The following NOL8 variants were observed in gnomAD, a reference collection of about 807,000 sequenced individuals.
The protein encoded by NOL8 is nucleolar protein Nop132.
In NOL8, 93 loss-of-function variants were observed where a neutral mutation model predicts 116.1. The ratio of observed to expected loss-of-function variants is 0.80; its 90% CI spans 0.68 to 0.95. The LOEUF is 0.95. NOL8 is among the 40% of genes least tolerant of loss of function. NOL8 has a pLI of 0.00. For synonymous variants in NOL8, 419 were observed against 469.0 expected (o/e 0.89, Z 1.38); for missense variants, 1,291 against 1,382.8 (o/e 0.93, Z 1.05).
Position 92,314,356 on chromosome 9 carries a change from CT to C in NOL8, c.2268del (p.Asp757ThrfsTer67). ...AAGGCTGCCAAACGCTTCTCATTGT[CT>C]TCAGCATGCTTATCTTTAGCACTCA... ...SDVSAKDKHA[E>X]DNEKRLAALE... is the part of the protein sequence containing the mutation. On this transcript the variant is annotated frameshift_variant, in exon 7 of 17. Transcript: ENST00000442668. LOFTEE classifies it high-confidence loss of function. 6.2e-7 allele frequency: 1 copy of C among 1,613,110 alleles called. No individual in the cohort carries two copies. The highest frequency in any genetic ancestry group is 8.5e-7 in the Non-Finnish European group (1 of 1,179,144).
At chr9:92,317,138 T>C (rs767341402) in intron 6 of NOL8, among the ~76,000 whole-genome samples, 2 of 152,132 alleles carry the variant, frequency 1.3e-5, no homozygotes, top group Non-Finnish European at 2.9e-5. Flanking sequence ...TTTATTAATA[T>C]TTTTTGTAGA....
At chr9:92,322,944 G>A (rs1840043518) in intron 3 of NOL8, 1 of 153,380 alleles carries the variant, frequency 6.5e-6, no homozygotes, top group Non-Finnish European at 1.5e-5. Context: ...ATGTTACTGT[G>A]TCAGCGGCAG....
chr9:92,299,932 T>C lies in NOL8; in HGVS notation c.3260A>G (p.Glu1087Gly), dbSNP rs1837586128. Residue 1087 changes from glutamate (E) to glycine (G), a missense_variant, in exon 14 of 17, where the codon GAA becomes GGA. By Grantham distance (98) the Glu-to-Gly change is moderately conservative. Transcript: ENST00000442668. ...PRLQDSSSEE[E>G]DVTEETDHRN... ...GTGATCTGTTTCTTCAGTAACATCT[T>C]CCTCTTCTGAACTGCTGTCTTGTAA... 4 of 1,613,448 alleles carry C rather than the reference T, an allele frequency of 2.5e-6. No homozygotes were observed. Among genetic ancestry groups the C allele is most frequent in the Non-Finnish European group, 3.4e-6 (4 of 1,179,614 alleles).
Position 92,315,932 on chromosome 9 carries a change from C to A in NOL8, c.693G>T (p.Gly231=). 1.2e-6 allele frequency: 2 copies of A among 1,613,816 alleles called. No homozygotes were observed. Among genetic ancestry groups the A allele is most frequent in the Non-Finnish European group, 1.7e-6 (2 of 1,179,842 alleles). Residue 231 remains glycine (G), a synonymous_variant, in exon 7 of 17, where the codon GGG becomes GGT. Coordinates refer to ENST00000442668, the MANE Select transcript of NOL8 (RefSeq NM_017948.6). ...IKVQKDESST[G]SLAMSTRPRR... Reference sequence around the variant, plus strand: ...TGGGCCTTGTACTCATGGCCAGAGACCCAGTGGAACTCTCATCCTTCTGCA... The same window carrying A: ...TGGGCCTTGTACTCATGGCCAGAGAACCAGTGGAACTCTCATCCTTCTGCA...
intron 13 of NOL8, 101 bp from the exon 14 acceptor site, chr9:92,300,117 A>C: frequency 1.4e-6 from 2 of 1,455,438 alleles, no homozygotes; most frequent in Non-Finnish European, 1.8e-6. Flanking sequence ...GACATATCTA[A>C]AGTTCCAATA....
Position 92,307,004 on chromosome 9 carries a change from C to A in NOL8, c.2707G>T (p.Ala903Ser). 6.2e-7 allele frequency: 1 copy of A among 1,610,908 alleles called. No homozygotes were observed. Among genetic ancestry groups the A allele is most frequent in the South Asian group, 1.1e-5 (1 of 90,454 alleles). ...TCTTCAGCAAGCTCTTCTTCCTCAG[C>A]AGTTTTCTTTTCATTTACCTCTTTG... Reference protein sequence around the residue: ...EQEEVNEKKTAEEEELAEEKK... With the variant: ...EQEEVNEKKTSEEEELAEEKK... Residue 903 changes from alanine (A) to serine (S), a missense_variant, in exon 11 of 17, where the codon GCT (alanine) becomes TCT (serine). Coordinates refer to ENST00000442668, the MANE Select transcript of NOL8 (RefSeq NM_017948.6).
chr9:92,305,954 A>T, intron 11 of NOL8, 124 bp from the exon 12 acceptor site: 1 of 648,314 alleles, frequency 1.5e-6, no homozygotes, highest in Non-Finnish European at 2.7e-6. Context: ...AAGCCATATA[A>T]CATCAGATAA....
chr9:92,316,127 A>G lies in NOL8; in HGVS notation c.498T>C (p.Tyr166=), dbSNP rs1839385984. The G allele has an allele frequency of 3.7e-6, 6 of 1,612,496 alleles. No individual in the cohort carries two copies. The highest frequency in any genetic ancestry group is 5.1e-6 in the Non-Finnish European group (6 of 1,179,126). ...KNQHKRKIIK[Y]DPSKYCHNLK... ...GGTTGTGGCAGTATTTTGAGGGATC[A>G]TATTTGATGATGTTACGCAAGTCAA... is the stretch of plus-strand genomic sequence containing the variant. Residue 166 remains tyrosine, a synonymous_variant, in exon 7 of 17, where the codon TAT becomes TAC. Coordinates refer to ENST00000442668, the MANE Select transcript of NOL8 (RefSeq NM_017948.6).
intron 12 of NOL8, among the ~76,000 whole-genome samples, chr9:92,302,843 TTAG>T (rs1469448573): frequency 6.6e-6 from 1 of 152,094 alleles, no homozygotes; most frequent in African/African-American, 2.4e-5. Flanking sequence ...GAAAAAACTG[TTAG>T]TAGAAACCAT....
At chr9:92,310,946 T>C in intron 8 of NOL8, 200 bp downstream of exon 8, 1 of 578,006 alleles carries the variant, frequency 1.7e-6, no homozygotes, top group Non-Finnish European at 3.0e-6. Flanking sequence ...AATATTGATG[T>C]CATGCTGCAG....
rs551750374 is a variant in NOL8 at position 92,324,464 on chromosome 9, A to T, written c.-48-255T>A. 7 of 250,946 alleles carry T rather than the reference A, an allele frequency of 2.8e-5. No homozygotes were observed. In the South Asian group the frequency reaches 8.2e-4, roughly 29 times the overall value. 15.5% of individuals were successfully genotyped at this position (250,946 alleles called of 1,614,324 possible). Reference sequence around the variant, plus strand: ...AGTTTTTTTCCTCCAAATGGCCATAATATTACACTCTATCCCTCTTAATTT... The same window carrying T: ...AGTTTTTTTCCTCCAAATGGCCATATTATTACACTCTATCCCTCTTAATTT... On this transcript the variant is annotated intron_variant, in intron 1 of 16. Transcript: ENST00000442668.
At chr9:92,306,204 G>T (rs1838244219) in intron 11 of NOL8, among the ~76,000 whole-genome samples, 1 of 152,096 alleles carries the variant, frequency 6.6e-6, no homozygotes, top group Admixed American at 6.6e-5. Context: ...ATGTTGGCCA[G>T]GCTGCTCTCC....
intron 6 of NOL8, among the ~76,000 whole-genome samples, chr9:92,317,629 GC>G (rs1839529961): frequency 6.6e-6 from 1 of 152,092 alleles, no homozygotes; most frequent in Admixed American, 6.6e-5. Flanking sequence ...CTGACCTTTG[GC>G]TTTTGCTCCT....
rs1170982491 is a variant in NOL8 at position 92,316,157 on chromosome 9, C to G, written c.487-19G>C. 3 of 1,593,730 alleles carry G rather than the reference C, an allele frequency of 1.9e-6. No homozygotes were observed. The highest frequency in any genetic ancestry group is 2.6e-6 in the Non-Finnish European group (3 of 1,169,952). ...TGATGATGTTACGCAAGTCAAGAAA[C>G]AAAACTAAAGCACTTGGTTTTAGGA... On this transcript the variant is annotated intron_variant, in intron 6 of 16. Transcript: ENST00000442668.
At chr9:92,321,384 C>A (rs1011332787) in intron 4 of NOL8, among the ~76,000 whole-genome samples, 2 of 151,984 alleles carry the variant, frequency 1.3e-5, no homozygotes, top group African/African-American at 2.4e-5. Context: ...GGTGTGTTAA[C>A]AAAGAGAAAA....
In NOL8 at chr9:92,306,980, C is replaced by G; in HGVS notation, c.2731G>C (p.Glu911Gln). 1 of 1,612,602 alleles carries G rather than the reference C, an allele frequency of 6.2e-7. No individual in the cohort carries two copies. Among genetic ancestry groups the G allele is most frequent in the Non-Finnish European group, 8.5e-7 (1 of 1,179,536 alleles). Residue 911 changes from glutamate to glutamine, a missense_variant, in exon 11 of 17, where the codon GAA (glutamate) becomes CAA (glutamine). Physicochemically the swap from Glu to Gln is conservative, Grantham distance 29. Coordinates refer to ENST00000442668, the MANE Select transcript of NOL8 (RefSeq NM_017948.6). ...KTAEEEELAEEKKKALNVVQS... is the reference protein window; with the variant it reads ...KTAEEEELAEQKKKALNVVQS... The stretch of plus-strand genomic sequence containing the variant: ...ACAACATTCAGGGCTTTCTTTTTTT[C>G]TTCAGCAAGCTCTTCTTCCTCAGCA...
intron 8 of NOL8, 64 bp from the exon 9 acceptor site, chr9:92,310,739 T>A: frequency 6.6e-7 from 1 of 1,508,410 alleles, no homozygotes; most frequent in Non-Finnish European, 8.9e-7. Context: ...CTTCATAACG[T>A]AATCTTCTCC....
intron 13 of NOL8, among the ~76,000 whole-genome samples, chr9:92,301,082 C>G (rs1463270168): frequency 6.6e-6 from 1 of 152,206 alleles, no homozygotes; most frequent in Non-Finnish European, 1.5e-5. Context: ...ATACTTCTCT[C>G]TAGGTTCTGG....
In NOL8 at chr9:92,301,565, T is replaced by C. The variant is rs1018392690; in HGVS notation, c.3161A>G (p.Lys1054Arg). ...AAGAAAAGTACCTTCCTTTATGTCT[T>C]TAGTGTCTGAATCAAAAAAAGAGAA... ...FTFSFFDSDT[K>R]DIKEETYRVE... is the part of the protein sequence containing the mutation. The change falls in exon 13 of 17, where the codon AAA (lysine) becomes AGA (arginine). Residue 1054 changes from lysine (K) to arginine (R), a missense_variant. Physicochemically the swap from Lys to Arg is conservative, Grantham distance 26. Coordinates refer to ENST00000442668, the MANE Select transcript of NOL8 (RefSeq NM_017948.6). The C allele has an allele frequency of 1.3e-6, 2 of 1,596,662 alleles. No homozygotes were observed. The highest frequency in any genetic ancestry group is 3.6e-5 in the Admixed American group (2 of 56,282).
Sources: allele counts gnomAD v4.1 joint callset (sites outside exome capture counted in the v4.1 genomes callset), GRCh38; gene constraint gnomAD v4.1.1; transcripts MANE v1.5; gene names NCBI Gene and HGNC (gene_info 2026-07-23, HGNC 2026-07-21).